Variants in MAP4K3 observed in about 807,000 individuals in gnomAD.
The protein encoded by MAP4K3 is MAPK/ERK kinase kinase kinase 3.
In MAP4K3, 94 loss-of-function variants were observed where a neutral mutation model predicts 143.5. That is an observed-to-expected ratio of 0.65 (90% CI 0.55 to 0.78). The LOEUF (loss-of-function observed/expected upper bound fraction) is 0.78, where lower values mean the gene tolerates loss of function less well. MAP4K3 is among the 30% of genes least tolerant of loss of function. MAP4K3 has a pLI of 0.00. For missense variants in MAP4K3, 1,077 were observed against 1,068.1 expected (o/e 1.01, Z -0.12); for synonymous variants, 416 against 347.2 (o/e 1.20, Z -2.20).
chr2:39,407,616 G>A (rs540480340), intron 1 of MAP4K3, among the ~76,000 whole-genome samples: 5 of 152,240 alleles, frequency 3.3e-5, no homozygotes, highest in African/African-American at 1.2e-4. Context: ...CTATTGCCCA[G>A]GCTGAAGTGC....
Position 39,367,602 on chromosome 2 carries a change from TA to T in MAP4K3, c.154+10463del, listed in dbSNP as rs537771261. ...GAAAGAAACCATGGCCCTGGCTCCC[TA>T]AAAAAAAAGTCTTACTCTAGAGCTG... On this transcript the variant is annotated intron_variant, in intron 2 of 33. Transcript: ENST00000263881. Among the ~76,000 whole-genome samples, 768 of 149,882 alleles carry T rather than the reference TA, an allele frequency of 5.1e-3. 1 individual carries two copies. The highest frequency in any genetic ancestry group is 0.014 in the Middle Eastern group (4 of 294).
At chr2:39,259,560 C>T (rs751765152) in intron 29 of MAP4K3, among the ~76,000 whole-genome samples, 9 of 152,104 alleles carry the variant, frequency 5.9e-5, no homozygotes, top group Non-Finnish European at 1.3e-4. Context: ...CTTAAAATTT[C>T]TGAGAGTTAT....
intron 22 of MAP4K3, among the ~76,000 whole-genome samples, chr2:39,280,599 A>AT (rs983547866): frequency 1.1e-4 from 16 of 152,086 alleles, no homozygotes; most frequent in African/African-American, 3.4e-4. Flanking sequence ...AAAAGGTCTT[A>AT]TTTTTTCTAT....
rs577904074 is a variant in MAP4K3, at chr2:39,434,210, T to C, written c.96+2682A>G. Among the ~76,000 whole-genome samples the C allele has an allele frequency of 3.3e-5, 5 of 152,362 alleles. No individual in the cohort carries two copies. In the East Asian group the frequency reaches 7.7e-4, roughly 23 times the overall value. On this transcript the variant is annotated intron_variant, in intron 1 of 33. Transcript: ENST00000263881. ...CAAATTAAGGAACAAATTATATATA[T>C]TGGCTTTTGAAAACAAAATGTACTT...
At chr2:39,331,223 C>A (rs949362922) in intron 8 of MAP4K3, among the ~76,000 whole-genome samples, 1 of 152,072 alleles carries the variant, frequency 6.6e-6, no homozygotes, top group Non-Finnish European at 1.5e-5. Flanking sequence ...GCTGTTACTT[C>A]AAAGTAATGA....
chr2:39,276,386 G>T (rs1228761398), intron 24 of MAP4K3, among the ~76,000 whole-genome samples: 1 of 152,106 alleles, frequency 6.6e-6, no homozygotes, highest in Admixed American at 6.6e-5. Context: ...TGTTGAAACG[G>T]TCATTCAATT....
chr2:39,381,150 T>C (rs1666346514), intron 1 of MAP4K3, among the ~76,000 whole-genome samples: 1 of 152,226 alleles, frequency 6.6e-6, no homozygotes, highest in South Asian at 2.1e-4. Flanking sequence ...CATTTATGTG[T>C]TACTGCCAAA....
intron 21 of MAP4K3, among the ~76,000 whole-genome samples, chr2:39,285,765 C>T (rs974089317): frequency 2.0e-5 from 3 of 151,960 alleles, no homozygotes; most frequent in African/African-American, 7.2e-5. Flanking sequence ...TTAGTATATA[C>T]AAAAACTTCC....
chr2:39,264,167 C>T (rs1475455496), intron 28 of MAP4K3, among the ~76,000 whole-genome samples: 3 of 152,098 alleles, frequency 2.0e-5, no homozygotes, highest in Admixed American at 2.0e-4. Context: ...TTGGATAGAG[C>T]ATTCTTTTGT....
chr2:39,305,694 C>G (rs930911483), intron 15 of MAP4K3, among the ~76,000 whole-genome samples: 1 of 152,140 alleles, frequency 6.6e-6, no homozygotes, highest in African/African-American at 2.4e-5. Flanking sequence ...CTCCCCTGTA[C>G]CACAGGAAAC....
Position 39,250,319 on chromosome 2 carries a change from G to T in MAP4K3, c.*299C>A. 1 of 266,196 alleles carries T rather than the reference G, an allele frequency of 3.8e-6. No individual in the cohort carries two copies. 16.5% of individuals were successfully genotyped at this position (266,196 alleles called of 1,614,324 possible). A position where few individuals can be genotyped will look rare whatever the true frequency, so the allele number is the denominator to read the frequency against. On this transcript the variant is annotated 3_prime_UTR_variant, in exon 34 of 34. Coordinates refer to ENST00000263881, the MANE Select transcript of MAP4K3 (RefSeq NM_003618.4). ...ACACTTACTTGTACATCTCATAAAA[G>T]TACATTATCTACATAAATTCTTAGT... is the stretch of plus-strand genomic sequence containing the variant.
rs115859480 is a variant in MAP4K3, at chr2:39,413,626, C to G, written c.96+23266G>C. Among the ~76,000 whole-genome samples the G allele has an allele frequency of 8.9e-3, 1,352 of 152,034 alleles. 15 individuals are homozygous for G. Among genetic ancestry groups the G allele is most frequent in the Middle Eastern group, 0.058 (17 of 294 alleles). ...GGTAGAGGTGCAGAGTCCAGGAATACGGACTAAATAGAAAGTGAACACAAT... is the reference window on the plus strand; with the variant it reads ...GGTAGAGGTGCAGAGTCCAGGAATAGGGACTAAATAGAAAGTGAACACAAT... On this transcript the variant is annotated intron_variant, in intron 1 of 33. Transcript: ENST00000263881.
At chr2:39,391,369 A>AAAAG (rs1320228851) in intron 1 of MAP4K3, among the ~76,000 whole-genome samples, 1 of 149,660 alleles carries the variant, frequency 6.7e-6, no homozygotes. Context: ...AAAAAAAAAA[A>AAAAG]AAAAAAAAAA....
chr2:39,356,275 A>G lies in MAP4K3; in HGVS notation c.219T>C (p.Ile73=). The G allele has an allele frequency of 6.2e-7, 1 of 1,600,326 alleles. No individual in the cohort carries two copies. Among genetic ancestry groups the G allele is most frequent in the Non-Finnish European group, 8.5e-7 (1 of 1,173,308 alleles). ...IMMKDCKHPN[I]VAYFGSYLRR... The stretch of plus-strand genomic sequence containing the variant: ...TGAGATAGCTTCCAAAATAAGCAAC[A>G]ATATTTGGGTGTTTACAGTCTTTCA... The change falls in exon 3 of 34, where the codon ATT becomes ATC. Residue 73 remains isoleucine (I), a synonymous_variant. Coordinates refer to ENST00000263881, the MANE Select transcript of MAP4K3 (RefSeq NM_003618.4).
intron 2 of MAP4K3, among the ~76,000 whole-genome samples, chr2:39,373,576 A>G (rs1367274350): frequency 2.0e-5 from 3 of 152,234 alleles, no homozygotes; most frequent in Non-Finnish European, 2.9e-5. Flanking sequence ...GAAATGTGAT[A>G]CATACGTACA....
chr2:39,272,147 G>A (rs1477134267), intron 26 of MAP4K3, 136 bp downstream of exon 26: 1 of 602,366 alleles, frequency 1.7e-6, no homozygotes, highest in Non-Finnish European at 2.9e-6. Flanking sequence ...CTAAGCACTT[G>A]TTAATGTATA....
chr2:39,418,823 A>G (rs1392269628), intron 1 of MAP4K3, among the ~76,000 whole-genome samples: 2 of 152,350 alleles, frequency 1.3e-5, no homozygotes, highest in East Asian at 3.9e-4. Context: ...ACGTCTGTGA[A>G]GCTGTCACAC....
At chr2:39,396,751 A>G (rs11688728) in intron 1 of MAP4K3, among the ~76,000 whole-genome samples, 134,680 of 152,238 alleles carry the variant, frequency 0.88, 59,775 homozygotes, top group Non-Finnish European at 0.92. Context: ...GGGATTACAG[A>G]CGTGAGCCAC....
At chr2:39,338,609 A>G (rs1489522095) in intron 4 of MAP4K3, among the ~76,000 whole-genome samples, 1 of 152,214 alleles carries the variant, frequency 6.6e-6, no homozygotes, top group Admixed American at 6.5e-5. Context: ...TTACATCAAT[A>G]TATAGGTCTT....
Sources: allele counts gnomAD v4.1 joint callset (sites outside exome capture counted in the v4.1 genomes callset), GRCh38; gene constraint gnomAD v4.1.1; transcripts MANE v1.5; gene names NCBI Gene and HGNC (gene_info 2026-07-23, HGNC 2026-07-21).